Variants in CSMD1 observed in about 807,000 individuals in gnomAD.
CSMD1 encodes the protein CUB and Sushi multiple domains 1, also known as CUB and sushi domain-containing protein 1.
In CSMD1, 213 loss-of-function variants were observed where a neutral mutation model predicts 417.5. The observed-to-expected ratio is 0.51, with a 90% CI of 0.46 to 0.57. The LOEUF (loss-of-function observed/expected upper bound fraction) is 0.57. CSMD1 is among the 20% of genes least tolerant of loss of function. The pLI is 0.00. For missense variants in CSMD1, 6,923 were observed against 4,529.7 expected (o/e 1.53, Z -15.17); for synonymous variants, 2,862 against 1,736.8 (o/e 1.65, Z -16.11).
chr8:3,912,881 G>C (rs1808555419), intron 5 of CSMD1, among the ~76,000 whole-genome samples: 3 of 152,150 alleles, frequency 2.0e-5, no homozygotes, highest in Admixed American at 6.5e-5. Flanking sequence ...GGTGATGTAA[G>C]AGTGAATGAA....
chr8:4,666,169 A>G (rs1435339230), intron 1 of CSMD1, among the ~76,000 whole-genome samples: 4 of 152,156 alleles, frequency 2.6e-5, no homozygotes, highest in Admixed American at 2.0e-4. Flanking sequence ...ATGCAGAATA[A>G]TGACCTCCCA....
intron 3 of CSMD1, among the ~76,000 whole-genome samples, chr8:4,135,478 C>G (rs1325596303): frequency 4.0e-5 from 6 of 151,890 alleles, no homozygotes; most frequent in African/African-American, 1.5e-4. Context: ...AACTTACACA[C>G]TAAATATCCC....
chr8:3,541,362 A>G (rs970907531), intron 10 of CSMD1, among the ~76,000 whole-genome samples: 1 of 152,098 alleles, frequency 6.6e-6, no homozygotes, highest in East Asian at 1.9e-4. Flanking sequence ...AACAACATGC[A>G]CTGGGGCCTG....
At chr8:3,390,032 T>A (rs1054057966) in intron 17 of CSMD1, among the ~76,000 whole-genome samples, 1 of 151,974 alleles carries the variant, frequency 6.6e-6, no homozygotes. Context: ...TGTAAAAGAA[T>A]CCTGAAACAA....
chr8:4,050,041 G>A (rs949244455), intron 3 of CSMD1, among the ~76,000 whole-genome samples: 3 of 152,136 alleles, frequency 2.0e-5, no homozygotes, highest in African/African-American at 7.2e-5. Context: ...CAGATATTCT[G>A]TGGAATGTCC....
At chr8:4,083,256 C>G (rs1020639688) in intron 3 of CSMD1, among the ~76,000 whole-genome samples, 5 of 152,146 alleles carry the variant, frequency 3.3e-5, no homozygotes, top group Non-Finnish European at 5.9e-5. Flanking sequence ...TCTTATTTCT[C>G]CACAACCTCT....
At chr8:4,265,158 AAAAT>A (rs1337923946) in intron 3 of CSMD1, among the ~76,000 whole-genome samples, 1 of 152,172 alleles carries the variant, frequency 6.6e-6, no homozygotes, top group African/African-American at 2.4e-5. Flanking sequence ...ATTATTAGTA[AAAAT>A]AAATAGTGGA....
At chr8:4,176,542 CTACTAATATACCCCATT>C (rs773195806) in intron 3 of CSMD1, among the ~76,000 whole-genome samples, 54 of 152,034 alleles carry the variant, frequency 3.6e-4, no homozygotes, top group Middle Eastern at 3.2e-3. Context: ...ATTCTGATCC[CTACTAATATACCCCATT>C]TTGGCAGTAG....
chr8:4,468,543 C>G (rs115962797), intron 2 of CSMD1, among the ~76,000 whole-genome samples: 203 of 152,298 alleles, frequency 1.3e-3, no homozygotes, highest in African/African-American at 4.5e-3. Context: ...CATTTACACA[C>G]TCTTGTCCCC....
At chr8:3,108,473 A>T (rs1816290654) in intron 44 of CSMD1, 130 bp downstream of exon 44, 1 of 816,532 alleles carries the variant, frequency 1.2e-6, no homozygotes, top group South Asian at 2.2e-5. Context: ...GCTGGCCTCC[A>T]GTGCAAAAGA....
At chr8:3,507,140 A>T (rs1377369327) in intron 10 of CSMD1, among the ~76,000 whole-genome samples, 1 of 152,224 alleles carries the variant, frequency 6.6e-6, no homozygotes, top group African/African-American at 2.4e-5. Context: ...CAGAATTTAC[A>T]TAGTGGAAAA....
At chr8:4,568,391 T>C (rs961816942) in intron 2 of CSMD1, among the ~76,000 whole-genome samples, 10 of 152,190 alleles carry the variant, frequency 6.6e-5, no homozygotes, top group African/African-American at 2.4e-4. Context: ...TTTCTGTTTC[T>C]GTGTCTTTAC....
In CSMD1 at chr8:2,938,043, C is replaced by G. The variant is rs1801614096; in HGVS notation, c.*542G>C. On this transcript the variant is annotated 3_prime_UTR_variant, in exon 70 of 70. Coordinates refer to ENST00000635120, the MANE Select transcript of CSMD1 (RefSeq NM_033225.6). ...GTGAGGTCCTCAAAGCTTGTCAGGT[C>G]TCGGAAGGACAGAGTGAAGCATTTG... 6.5e-6 allele frequency: 1 copy of G among 152,680 alleles called. No individual in the cohort carries two copies. Among genetic ancestry groups the G allele is most frequent in the South Asian group, 2.1e-4 (1 of 4,830 alleles). The allele number at this position is 152,680 out of a possible 1,614,324, so 9.5% of individuals were successfully genotyped here. A position where few individuals can be genotyped will look rare whatever the true frequency, so the allele number is the denominator to read the frequency against.
intron 2 of CSMD1, among the ~76,000 whole-genome samples, chr8:4,439,510 A>G (rs954662623): frequency 1.3e-5 from 2 of 151,422 alleles, no homozygotes; most frequent in Non-Finnish European, 3.0e-5. Flanking sequence ...AGATAGCTAT[A>G]TACATATATG....
chr8:3,979,392 G>A (rs940175894), intron 5 of CSMD1, among the ~76,000 whole-genome samples: 3 of 152,180 alleles, frequency 2.0e-5, no homozygotes, highest in Non-Finnish European at 2.9e-5. Flanking sequence ...AGACATCAGC[G>A]CAGCTACAGA....
intron 6 of CSMD1, among the ~76,000 whole-genome samples, chr8:3,742,960 G>A (rs755166151): frequency 2.0e-5 from 3 of 152,160 alleles, no homozygotes; most frequent in Non-Finnish European, 2.9e-5. Context: ...AGGATACCAC[G>A]AGGCACAGAC....
intron 47 of CSMD1, 139 bp downstream of exon 47, chr8:3,096,710 T>G (rs1815330102): frequency 1.6e-6 from 1 of 628,058 alleles, no homozygotes; most frequent in East Asian, 2.8e-5. Context: ...AACCCCAAAC[T>G]AGTTTATTTT....
chr8:3,185,284 G>C (rs927645417), intron 36 of CSMD1, among the ~76,000 whole-genome samples: 1 of 152,114 alleles, frequency 6.6e-6, no homozygotes, highest in African/African-American at 2.4e-5. Flanking sequence ...TTTTCTCCTG[G>C]CTAACTCCAA....
chr8:3,369,090 T>A (rs1044761483), intron 19 of CSMD1, among the ~76,000 whole-genome samples, 164 bp downstream of exon 19: 1 of 152,356 alleles, frequency 6.6e-6, no homozygotes, highest in Admixed American at 6.5e-5. Context: ...GTTGAAAGAC[T>A]ATTGTTCTTC....
Sources: allele counts gnomAD v4.1 joint callset (sites outside exome capture counted in the v4.1 genomes callset), GRCh38; gene constraint gnomAD v4.1.1; transcripts MANE v1.5; gene names NCBI Gene and HGNC (gene_info 2026-07-23, HGNC 2026-07-21).